The following NEBL variants were observed in gnomAD, a reference collection of about 807,000 sequenced individuals.
NEBL encodes nebulette.
In NEBL, 122 loss-of-function variants were observed where a neutral mutation model predicts 140.2. That is an observed-to-expected ratio of 0.87 (90% CI 0.75 to 1.01). The LOEUF is 1.01. Among genes scored for constraint, NEBL ranks in the 50% least tolerant of loss-of-function variants. The probability of loss-of-function intolerance (pLI) is 0.00; values close to 1 mark genes in which losing one functional copy is unlikely to be tolerated. For synonymous variants in NEBL, 436 were observed against 398.9 expected (o/e 1.09, Z -1.11); for missense variants, 1,365 against 1,231.3 (o/e 1.11, Z -1.62).
chr10:21,196,752 G>T (rs1841658745), intron 3 of NEBL, among the ~76,000 whole-genome samples: 1 of 152,142 alleles, frequency 6.6e-6, no homozygotes, highest in African/African-American at 2.4e-5. Flanking sequence ...TGCAGTACCA[G>T]AACTCTTCTG....
At chr10:20,837,212 G>A (rs1187711293) in intron 13 of NEBL, among the ~76,000 whole-genome samples, 3 of 152,062 alleles carry the variant, frequency 2.0e-5, no homozygotes, top group African/African-American at 2.4e-5. Flanking sequence ...ACAGTTATTC[G>A]AGTTGTGAAT....
At chr10:20,832,611 TA>T (rs147100940) in intron 14 of NEBL, among the ~76,000 whole-genome samples, 13,612 of 152,092 alleles carry the variant, frequency 0.089, 681 homozygotes, top group Middle Eastern at 0.16. Flanking sequence ...AAAATGTTAT[TA>T]AAAAAAACTA....
rs760424917 is a variant in NEBL at position 20,819,485 on chromosome 10, G to A, written c.1994C>T (p.Thr665Ile). 3 of 1,613,974 alleles carry A rather than the reference G, an allele frequency of 1.9e-6. No homozygotes were observed. In the African/African-American group the frequency reaches 4.0e-5, roughly 22 times the overall value. Residue 665 changes from threonine (T) to isoleucine (I), a missense_variant, in exon 20 of 28, where the codon ACT becomes ATT. Physicochemically the swap from Thr to Ile is moderately conservative, Grantham distance 89. This residue lies in a region of NEBL where 1,323 missense variants were observed against 1,154.8 expected (regional missense o/e 1.15). Transcript: ENST00000377122. ...TATCTCCGGGGTCATGCTTACCGGA[G>A]TGGCCTTGTAGTTTTGCTCTTTATA... ...LQYKEQNYKA[T>I]PVSMTPEIER...
intron 2 of NEBL, among the ~76,000 whole-genome samples, chr10:21,120,709 G>T (rs1372384755): frequency 1.4e-5 from 2 of 138,704 alleles, no homozygotes; most frequent in African/African-American, 5.4e-5. Context: ...AAAAAACCCA[G>T]GACCACCTAT....
At chr10:21,275,807 ATTT>A (rs959684198) in intron 1 of NEBL, among the ~76,000 whole-genome samples, 2 of 113,804 alleles carry the variant, frequency 1.8e-5, no homozygotes. Flanking sequence ...CACCCAGCTA[ATTT>A]TTTTTTTTTT....
chr10:21,057,988 T>C (rs750522666), intron 2 of NEBL, among the ~76,000 whole-genome samples: 1 of 152,226 alleles, frequency 6.6e-6, no homozygotes, highest in Non-Finnish European at 1.5e-5. Context: ...AAGTTCTGAC[T>C]TTCCATCTAT....
At chr10:20,909,162 C>A (rs1169898610) in intron 4 of NEBL, among the ~76,000 whole-genome samples, 1 of 151,798 alleles carries the variant, frequency 6.6e-6, no homozygotes, top group Non-Finnish European at 1.5e-5. Context: ...TCCAACTACA[C>A]TCTTTGCATT....
chr10:20,921,430 G>T (rs983817967), intron 4 of NEBL, among the ~76,000 whole-genome samples: 1 of 152,166 alleles, frequency 6.6e-6, no homozygotes, highest in African/African-American at 2.4e-5. Flanking sequence ...CGGGAGATCA[G>T]ATGACAGGAT....
intron 3 of NEBL, among the ~76,000 whole-genome samples, chr10:20,981,455 A>C (rs564403889): frequency 6.6e-6 from 1 of 152,180 alleles, no homozygotes; most frequent in African/African-American, 2.4e-5. Flanking sequence ...AAAGTAAAAA[A>C]CAAAAATTTC....
At chr10:21,166,831 G>A (rs1266011756) in intron 2 of NEBL, among the ~76,000 whole-genome samples, 5 of 152,180 alleles carry the variant, frequency 3.3e-5, no homozygotes, top group African/African-American at 1.2e-4. Context: ...TAACTTCATA[G>A]CAGGAATTTC....
intron 11 of NEBL, among the ~76,000 whole-genome samples, chr10:20,846,655 G>A (rs1841976040): frequency 6.6e-6 from 1 of 152,142 alleles, no homozygotes; most frequent in South Asian, 2.1e-4. Context: ...ACAGTTACAA[G>A]GCTGAATCTA....
At chr10:21,016,852 C>T (rs530128262) in intron 3 of NEBL, among the ~76,000 whole-genome samples, 1 of 152,264 alleles carries the variant, frequency 6.6e-6, no homozygotes, top group East Asian at 1.9e-4. Context: ...GGATAGATAC[C>T]TACCCACGTT....
At chr10:20,839,731 C>A (rs1841232143) in intron 13 of NEBL, among the ~76,000 whole-genome samples, 1 of 152,048 alleles carries the variant, frequency 6.6e-6, no homozygotes, top group Admixed American at 6.6e-5. Context: ...TCCCCCAATC[C>A]CAGACACAAT....
intron 17 of NEBL, among the ~76,000 whole-genome samples, chr10:20,827,172 G>A (rs946937483): frequency 1.3e-5 from 2 of 152,158 alleles, no homozygotes; most frequent in African/African-American, 4.8e-5. Flanking sequence ...CAGAAAAACA[G>A]AGTAATTATA....
chr10:21,115,954 T>A lies in NEBL; in HGVS notation c.164+56429A>T, dbSNP rs531322688. Among the ~76,000 whole-genome samples, 132 of 152,248 alleles carry A rather than the reference T, an allele frequency of 8.7e-4. 7 individuals are homozygous for A. In the South Asian group the frequency reaches 0.027, roughly 31 times the overall value. ...CGTTAATTCTTTTTAGTCTTCTTTT[T>A]TCATGTTTCATTTTAGATAATTGCT... On this transcript the variant is annotated intron_variant, in intron 2 of 6. Coordinates refer to the NEBL transcript ENST00000417816.
chr10:21,202,782 ATTCT>A (rs1166141235), intron 3 of NEBL, among the ~76,000 whole-genome samples: 1 of 151,954 alleles, frequency 6.6e-6, no homozygotes, highest in African/African-American at 2.4e-5. Flanking sequence ...AATTTTTCTT[ATTCT>A]TTCTTTTCTT....
In NEBL at chr10:20,915,175, C is replaced by T. The variant is rs534259323; in HGVS notation, c.357+46497G>A. Among the ~76,000 whole-genome samples the T allele has an allele frequency of 2.2e-4, 33 of 152,014 alleles. No individual in the cohort carries two copies. The South Asian group carries it at 4.8e-3, about 22-fold the overall frequency. On this transcript the variant is annotated intron_variant, in intron 4 of 6. Coordinates refer to the NEBL transcript ENST00000417816. ...GATGCAATGAATGAAAATAAATGAA[C>T]CCATCACTGTAATAACACTTCACCA...
intron 3 of NEBL, among the ~76,000 whole-genome samples, chr10:21,242,487 A>G (rs566742440): frequency 6.6e-6 from 1 of 152,296 alleles, no homozygotes; most frequent in African/African-American, 2.4e-5. Context: ...GTGAGGACTG[A>G]AAAACTACCT....
At chr10:21,074,677 A>G (rs1835982452) in intron 2 of NEBL, among the ~76,000 whole-genome samples, 1 of 151,858 alleles carries the variant, frequency 6.6e-6, no homozygotes, top group Non-Finnish European at 1.5e-5. Context: ...ACGGGGTTTC[A>G]CTGTGTTAGC....
Sources: allele counts gnomAD v4.1 joint callset (sites outside exome capture counted in the v4.1 genomes callset), GRCh38; gene constraint gnomAD v4.1.1; regional missense constraint gnomAD v4.1.1; transcripts MANE v1.5; gene names NCBI Gene and HGNC (gene_info 2026-07-23, HGNC 2026-07-21).